PPAT: variants seen among roughly 807,000 people sequenced by gnomAD.
PPAT encodes amidophosphoribosyltransferase.
A neutral mutation model predicts 60.2 loss-of-function variants in PPAT; 20 were observed. The ratio of observed to expected loss-of-function variants is 0.33; its 90% CI spans 0.23 to 0.48. The LOEUF (loss-of-function observed/expected upper bound fraction) is 0.48. Ranked by LOEUF, PPAT falls within the 20% of genes least tolerant of loss-of-function variation. The probability of loss-of-function intolerance (pLI) is 0.99; values close to 1 mark genes in which losing one functional copy is unlikely to be tolerated. For missense variants in PPAT, 349 were observed against 629.6 expected (o/e 0.55, Z 4.77); for synonymous variants, 194 against 215.1 (o/e 0.90, Z 0.86).
rs1432892706 is a variant in PPAT, at chr4:56,393,981, T to TAC, written c.*1369_*1370dup. 2.0e-5 allele frequency: 3 copies of TAC among 152,180 alleles called. No individual in the cohort carries two copies. The highest frequency in any genetic ancestry group is 7.2e-5 in the African/African-American group (3 of 41,436). 9.4% of individuals were successfully genotyped at this position (152,180 alleles called of 1,614,324 possible). A position where few individuals can be genotyped will look rare whatever the true frequency, so the allele number is the denominator to read the frequency against. On this transcript the variant is annotated 3_prime_UTR_variant, in exon 11 of 11. Coordinates refer to ENST00000264220, the MANE Select transcript of PPAT (RefSeq NM_002703.5). ...CTATAATATAATATGCGAGACTATA[T>TAC]ACCAAAGGAAGACAAACAGTTTCAG... is the stretch of plus-strand genomic sequence containing the variant.
In PPAT at chr4:56,435,380, A is replaced by G. The variant is rs1717851742; in HGVS notation, c.98T>C (p.Ile33Thr). 6.2e-7 allele frequency: 1 copy of G among 1,613,608 alleles called. No homozygotes were observed. The highest frequency in any genetic ancestry group is 8.5e-7 in the Non-Finnish European group (1 of 1,179,762). Residue 33 changes from isoleucine (I) to threonine (T), a missense_variant, in exon 1 of 11, where the codon ATC becomes ACC. This residue lies in a region of PPAT where 115 missense variants were observed against 174.5 expected (regional missense o/e 0.66). Coordinates refer to ENST00000264220, the MANE Select transcript of PPAT (RefSeq NM_002703.5). Reference protein sequence around the residue: ...WPTQLDVPHVITLGLVGLQHR... With the variant: ...WPTQLDVPHVTTLGLVGLQHR... ...CTGCAGCCCCACGAGTCCCAGAGTG[A>G]TCACATGCGGTACATCCAGCTGCGT...
intron 1 of PPAT, among the ~76,000 whole-genome samples, chr4:56,428,304 G>A (rs1181862043): frequency 2.0e-5 from 3 of 152,100 alleles, no homozygotes; most frequent in Non-Finnish European, 4.4e-5. Context: ...GTAACACAGA[G>A]GCCGGAAAAT....
chr4:56,399,488 C>T, intron 8 of PPAT, 88 bp from the exon 9 acceptor site: 1 of 1,003,980 alleles, frequency 1.0e-6, no homozygotes, highest in South Asian at 2.0e-5. Flanking sequence ...CCACAATATT[C>T]AAGTAAAATT....
chr4:56,421,345 T>C (rs1717028242), intron 1 of PPAT: 1 of 153,496 alleles, frequency 6.5e-6, no homozygotes, highest in Admixed American at 6.5e-5. Flanking sequence ...TTTCATTATA[T>C]ATTACAACGT....
chr4:56,412,812 G>C (rs1161484562), intron 1 of PPAT, among the ~76,000 whole-genome samples: 1 of 151,924 alleles, frequency 6.6e-6, no homozygotes, highest in Non-Finnish European at 1.5e-5. Context: ...CTCTTTACCG[G>C]GCTCCCTAGT....
chr4:56,398,892 ACCT>A (rs1716047842), intron 9 of PPAT, among the ~76,000 whole-genome samples: 1 of 151,732 alleles, frequency 6.6e-6, no homozygotes, highest in Non-Finnish European at 1.5e-5. Flanking sequence ...GGCTCAAGCA[ACCT>A]CCTACCTCAG....
At chr4:56,409,510 T>A (rs1253968629) in intron 1 of PPAT, among the ~76,000 whole-genome samples, 1 of 152,232 alleles carries the variant, frequency 6.6e-6, no homozygotes, top group African/African-American at 2.4e-5. Flanking sequence ...CAGGCACCCT[T>A]TCCCATGTCT....
chr4:56,419,802 A>C, intron 1 of PPAT: 12 of 984,944 alleles, frequency 1.2e-5, no homozygotes, highest in Non-Finnish European at 1.4e-5. Context: ...AATTGCAGCC[A>C]AGCTTCAGAA....
At chr4:56,419,799 G>A in intron 1 of PPAT, 8 of 984,974 alleles carry the variant, frequency 8.1e-6, no homozygotes, top group Non-Finnish European at 6.0e-6. Context: ...ACAAATTGCA[G>A]CCAAGCTTCA....
chr4:56,416,002 G>A (rs6832797), intron 1 of PPAT, among the ~76,000 whole-genome samples: 29,069 of 151,514 alleles, frequency 0.19, 3,146 homozygotes, highest in Admixed American at 0.33. Context: ...CCCGGGAGGC[G>A]GAGGTTGCAG....
At chr4:56,407,034 T>C (rs1716257921) in intron 2 of PPAT, among the ~76,000 whole-genome samples, 1 of 152,102 alleles carries the variant, frequency 6.6e-6, no homozygotes, top group Non-Finnish European at 1.5e-5. Flanking sequence ...TAAGAACAGA[T>C]GTAGTAAGCA....
At position 56,400,793 on chromosome 4, in the gene PPAT, G is replaced by T; in HGVS notation, c.1005C>A (p.Tyr335Ter). The change falls in exon 8 of 11, where the codon TAC becomes TAA. Residue 335 changes from tyrosine to a stop codon, truncating the protein, a stop_gained. Coordinates refer to ENST00000264220, the MANE Select transcript of PPAT (RefSeq NM_002703.5). LOFTEE classifies it high-confidence loss of function. Reference sequence around the variant, plus strand: ...AATTAAGAGAAAATACCTTTCCTGCGTAAGCAAGAGCAGCAGGCGTAGCAG... The same window carrying T: ...AATTAAGAGAAAATACCTTTCCTGCTTAAGCAAGAGCAGCAGGCGTAGCAG... ...PESATPAALA[Y>*]AGKCGLPYVE... 6.2e-7 allele frequency: 1 copy of T among 1,612,712 alleles called. No homozygotes were observed. The highest frequency in any genetic ancestry group is 8.5e-7 in the Non-Finnish European group (1 of 1,179,260).
At chr4:56,408,786 T>G (rs936862256) in intron 1 of PPAT, among the ~76,000 whole-genome samples, 1 of 152,012 alleles carries the variant, frequency 6.6e-6, no homozygotes, top group Non-Finnish European at 1.5e-5. Context: ...AGCTTTTGTT[T>G]TGTTGTCCTG....
intron 1 of PPAT, among the ~76,000 whole-genome samples, chr4:56,424,045 A>G (rs1717173149): frequency 6.6e-6 from 1 of 152,224 alleles, no homozygotes; most frequent in African/African-American, 2.4e-5. Flanking sequence ...ACATGTAAAA[A>G]CAGAGGTCAC....
intron 1 of PPAT, among the ~76,000 whole-genome samples, chr4:56,434,035 CATA>C (rs1717759511): frequency 6.6e-6 from 1 of 152,166 alleles, no homozygotes; most frequent in African/African-American, 2.4e-5. Flanking sequence ...ACAACTACCA[CATA>C]ATCAAGAGTT....
chr4:56,407,380 G>A (rs570278475), intron 2 of PPAT, among the ~76,000 whole-genome samples: 108 of 151,252 alleles, frequency 7.1e-4, no homozygotes, highest in Non-Finnish European at 1.3e-3. Flanking sequence ...GTACAATGGC[G>A]CAATATCAGC....
chr4:56,427,881 T>C (rs1344148440), intron 1 of PPAT, among the ~76,000 whole-genome samples: 1 of 152,154 alleles, frequency 6.6e-6, no homozygotes, highest in Non-Finnish European at 1.5e-5. Flanking sequence ...CTATTGTGTA[T>C]TACCTAAAAT....
intron 1 of PPAT, among the ~76,000 whole-genome samples, chr4:56,430,738 G>GT (rs1717540765): frequency 6.6e-6 from 1 of 151,154 alleles, no homozygotes; most frequent in Non-Finnish European, 1.5e-5. Flanking sequence ...CCGCACAAGA[G>GT]TATCATTCTG....
intron 1 of PPAT, among the ~76,000 whole-genome samples, chr4:56,417,031 T>C (rs946639159): frequency 6.6e-6 from 1 of 152,122 alleles, no homozygotes; most frequent in Admixed American, 6.5e-5. Flanking sequence ...GTATATTTAG[T>C]AGAGACAGGG....
Sources: allele counts gnomAD v4.1 joint callset (sites outside exome capture counted in the v4.1 genomes callset), GRCh38; gene constraint gnomAD v4.1.1; regional missense constraint gnomAD v4.1.1; transcripts MANE v1.5; gene names NCBI Gene and HGNC (gene_info 2026-07-23, HGNC 2026-07-21).